The following BTBD9 variants were observed in gnomAD, a reference collection of about 807,000 sequenced individuals.
BTBD9 encodes BTB domain containing 9.
In BTBD9, 49 loss-of-function variants were observed where a neutral mutation model predicts 64.3. The observed-to-expected ratio is 0.76, with a 90% CI of 0.61 to 0.97. BTBD9 has a LOEUF of 0.97. Ranked by LOEUF, BTBD9 falls within the 50% of genes least tolerant of loss-of-function variation. The probability of loss-of-function intolerance (pLI) is 0.00; values close to 1 mark genes in which losing one functional copy is unlikely to be tolerated. For missense variants in BTBD9, 598 were observed against 762.1 expected (o/e 0.78, Z 2.53); for synonymous variants, 260 against 274.7 (o/e 0.95, Z 0.53).
chr6:38,482,594 C>T (rs1353224043), intron 6 of BTBD9: 2 of 152,220 alleles, frequency 1.3e-5, no homozygotes, highest in African/African-American at 2.4e-5. Flanking sequence ...GTCCTTTCTA[C>T]TGATGTAGCT....
chr6:38,608,690 G>A (rs1387212972), intron 1 of BTBD9, among the ~76,000 whole-genome samples: 1 of 152,116 alleles, frequency 6.6e-6, no homozygotes, highest in African/African-American at 2.4e-5. Flanking sequence ...GTTAAACCTA[G>A]TATCTTGGCT....
intron 6 of BTBD9, among the ~76,000 whole-genome samples, chr6:38,550,330 T>TG (rs1774741910): frequency 6.6e-6 from 1 of 151,706 alleles, no homozygotes; most frequent in South Asian, 2.1e-4. Flanking sequence ...TTCTTTTTTT[T>TG]TTTTGAGATG....
At chr6:38,437,045 T>C (rs1371411322) in intron 6 of BTBD9, among the ~76,000 whole-genome samples, 1 of 152,152 alleles carries the variant, frequency 6.6e-6, no homozygotes, top group Non-Finnish European at 1.5e-5. Flanking sequence ...AAACACAGTA[T>C]CAAAAAGGGC....
intron 9 of BTBD9, among the ~76,000 whole-genome samples, chr6:38,216,997 G>C (rs1475903679): frequency 6.6e-6 from 1 of 151,870 alleles, no homozygotes; most frequent in Non-Finnish European, 1.5e-5. Flanking sequence ...CTGATGGCCT[G>C]GGAGCCACAC....
chr6:38,447,723 T>G (rs1307705360), intron 6 of BTBD9, among the ~76,000 whole-genome samples: 1 of 152,214 alleles, frequency 6.6e-6, no homozygotes, highest in South Asian at 2.1e-4. Context: ...GAAAAAACCC[T>G]GTATCTCTTC....
intron 9 of BTBD9, among the ~76,000 whole-genome samples, chr6:38,210,136 C>T (rs1481430342): frequency 6.6e-6 from 1 of 152,150 alleles, no homozygotes. Flanking sequence ...AACCTTGCTC[C>T]CACTCTGCCA....
intron 6 of BTBD9, among the ~76,000 whole-genome samples, chr6:38,564,610 C>T (rs1775400227): frequency 6.6e-6 from 1 of 152,014 alleles, no homozygotes; most frequent in Non-Finnish European, 1.5e-5. Flanking sequence ...ACTATATGGC[C>T]GAGCACGGTG....
At chr6:38,635,748 C>T (rs1231699071) in intron 1 of BTBD9, among the ~76,000 whole-genome samples, 2 of 152,154 alleles carry the variant, frequency 1.3e-5, no homozygotes, top group Non-Finnish European at 2.9e-5. Flanking sequence ...GCCTCCAGAA[C>T]TATCAGGAAA....
intron 6 of BTBD9, among the ~76,000 whole-genome samples, chr6:38,503,931 T>A (rs1772330608): frequency 6.6e-6 from 1 of 152,128 alleles, no homozygotes. Context: ...GCCCTTCCCA[T>A]CCTTTCTATT....
chr6:38,469,363 G>T (rs1770534818), intron 6 of BTBD9, among the ~76,000 whole-genome samples: 1 of 141,716 alleles, frequency 7.1e-6, no homozygotes, highest in African/African-American at 2.6e-5. Context: ...CTGTCGCCCA[G>T]GCTGGAGTGC....
At chr6:38,179,452 G>A (rs1019204672) in intron 10 of BTBD9, 9 of 456,656 alleles carry the variant, frequency 2.0e-5, no homozygotes, top group African/African-American at 8.0e-5. Flanking sequence ...TACAGAAGGT[G>A]GCAGCAGCAG....
intron 9 of BTBD9, among the ~76,000 whole-genome samples, chr6:38,241,543 T>C (rs2127524761): frequency 6.6e-6 from 1 of 152,268 alleles, no homozygotes; most frequent in Admixed American, 6.5e-5. Context: ...GATAAAGAAG[T>C]GAAAAGTGTA....
At chr6:38,450,073 A>C (rs1392351396) in intron 6 of BTBD9, among the ~76,000 whole-genome samples, 2 of 152,242 alleles carry the variant, frequency 1.3e-5, no homozygotes, top group Non-Finnish European at 2.9e-5. Context: ...TAGATACATA[A>C]ATGGAATACT....
intron 6 of BTBD9, among the ~76,000 whole-genome samples, chr6:38,481,195 T>A (rs1346674070): frequency 6.6e-6 from 1 of 152,152 alleles, no homozygotes. Flanking sequence ...CCTGGAAGAT[T>A]CAAGTACATT....
intron 6 of BTBD9, among the ~76,000 whole-genome samples, chr6:38,526,922 T>C (rs1420675718): frequency 6.6e-6 from 1 of 152,246 alleles, no homozygotes; most frequent in Non-Finnish European, 1.5e-5. Context: ...GACTTTTCAG[T>C]TAATGCTGAA....
chr6:38,284,193 G>A (rs1761628356), intron 8 of BTBD9, among the ~76,000 whole-genome samples: 1 of 151,302 alleles, frequency 6.6e-6, no homozygotes, highest in South Asian at 2.1e-4. Context: ...TTTTTACTGG[G>A]AAAAAAAAGC....
intron 9 of BTBD9, among the ~76,000 whole-genome samples, chr6:38,250,633 A>G (rs182593909): frequency 8.7e-4 from 132 of 152,380 alleles, no homozygotes; most frequent in Non-Finnish European, 1.6e-3. Context: ...AGAACAAAAA[A>G]TAACTATCAC....
intron 6 of BTBD9, among the ~76,000 whole-genome samples, chr6:38,422,146 C>T (rs1767930261): frequency 6.6e-6 from 1 of 152,140 alleles, no homozygotes; most frequent in Non-Finnish European, 1.5e-5. Flanking sequence ...GAGCACTTCA[C>T]CCTTCTAGTC....
chr6:38,503,876 C>T (rs1201742307), intron 6 of BTBD9, among the ~76,000 whole-genome samples: 2 of 152,200 alleles, frequency 1.3e-5, no homozygotes, highest in Non-Finnish European at 2.9e-5. Context: ...CAAGAAAAAT[C>T]ATAACTCTGC....
Sources: allele counts gnomAD v4.1 joint callset (sites outside exome capture counted in the v4.1 genomes callset), GRCh38; gene constraint gnomAD v4.1.1; transcripts MANE v1.5; gene names NCBI Gene and HGNC (gene_info 2026-07-23, HGNC 2026-07-21).